Variants in SLC35F4 observed in about 807,000 individuals in gnomAD.
SLC35F4 encodes solute carrier family 35 member F4, also known as chromosome 14 open reading frame 36.
SLC35F4 carries 24 observed loss-of-function variants against 44.2 expected under a neutral mutation model. The ratio of observed to expected loss-of-function variants is 0.54; its 90% CI spans 0.39 to 0.76. The LOEUF (loss-of-function observed/expected upper bound fraction) is 0.76, where lower values mean the gene tolerates loss of function less well. Ranked by LOEUF, SLC35F4 falls within the 30% of genes least tolerant of loss-of-function variation. SLC35F4 has a pLI of 0.00. For missense variants in SLC35F4, 562 were observed against 586.1 expected (o/e 0.96, Z 0.42); for synonymous variants, 238 against 223.6 (o/e 1.06, Z -0.57).
At chr14:57,909,269 C>T (rs1468359440) in intron 1 of SLC35F4, among the ~76,000 whole-genome samples, 3 of 152,050 alleles carry the variant, frequency 2.0e-5, no homozygotes, top group African/African-American at 7.2e-5. Flanking sequence ...AATCAATGAA[C>T]CTATGTTGAC....
chr14:57,860,949 A>G (rs1280569273), intron 1 of SLC35F4, among the ~76,000 whole-genome samples: 3 of 152,236 alleles, frequency 2.0e-5, no homozygotes, highest in Non-Finnish European at 2.9e-5. Flanking sequence ...CCTATTTTTT[A>G]ATACCCATTG....
At chr14:57,723,716 C>T (rs978132494) in intron 1 of SLC35F4, among the ~76,000 whole-genome samples, 3 of 152,242 alleles carry the variant, frequency 2.0e-5, no homozygotes, top group African/African-American at 7.2e-5. Flanking sequence ...CTTTACTATC[C>T]TACCTCAGGG....
chr14:57,802,361 C>T (rs1475118193), intron 1 of SLC35F4, among the ~76,000 whole-genome samples: 1 of 151,854 alleles, frequency 6.6e-6, no homozygotes, highest in Admixed American at 6.6e-5. Flanking sequence ...CACCAAATGA[C>T]CATATCAAAA....
At chr14:57,688,457 G>A (rs1356397077) in intron 1 of SLC35F4, among the ~76,000 whole-genome samples, 2 of 152,130 alleles carry the variant, frequency 1.3e-5, no homozygotes, top group South Asian at 2.1e-4. Context: ...TACAGGGTAC[G>A]ATGGATTATT....
At chr14:57,787,717 C>T (rs930944168) in intron 1 of SLC35F4, among the ~76,000 whole-genome samples, 9 of 152,094 alleles carry the variant, frequency 5.9e-5, no homozygotes, top group African/African-American at 1.4e-4. Flanking sequence ...TGAGAGAATT[C>T]GCTATTACCA....
rs534817596 is a variant in SLC35F4 at position 57,671,528 on chromosome 14, C to T, written c.104-77404G>A. ...TGAAGGGAAGACCCAGTCCTGGCAGCATTTATTATCTGCTAACTGAAGAGC... is the reference window on the plus strand; with the variant it reads ...TGAAGGGAAGACCCAGTCCTGGCAGTATTTATTATCTGCTAACTGAAGAGC... On this transcript the variant is annotated intron_variant, in intron 1 of 7. Transcript: ENST00000556826. Among the ~76,000 whole-genome samples, 22 of 152,138 alleles carry T rather than the reference C, an allele frequency of 1.4e-4. 1 individual carries two copies. Among genetic ancestry groups the T allele is most frequent in the African/African-American group, 5.3e-4 (22 of 41,440 alleles).
intron 1 of SLC35F4, among the ~76,000 whole-genome samples, chr14:57,662,929 A>G (rs17093534): frequency 0.026 from 3,956 of 152,266 alleles, 163 homozygotes; most frequent in African/African-American, 0.089. Flanking sequence ...ACTCCCCTGG[A>G]CTATGGTTGA....
intron 1 of SLC35F4, among the ~76,000 whole-genome samples, chr14:57,677,404 TG>T (rs1308656227): frequency 8.0e-6 from 1 of 125,672 alleles, no homozygotes; most frequent in Non-Finnish European, 1.7e-5. Flanking sequence ...CCAAAACTAT[TG>T]AAAAAAAAAT....
intron 1 of SLC35F4, among the ~76,000 whole-genome samples, chr14:57,603,143 C>T (rs984273012): frequency 6.6e-6 from 1 of 152,124 alleles, no homozygotes; most frequent in Non-Finnish European, 1.5e-5. Context: ...ACTTATGAAA[C>T]ATTTTTAAAT....
intron 4 of SLC35F4, among the ~76,000 whole-genome samples, chr14:57,580,790 C>T (rs1279695973): frequency 2.0e-5 from 3 of 151,870 alleles, no homozygotes; most frequent in Non-Finnish European, 4.4e-5. Flanking sequence ...TCTACTTACA[C>T]CAATATTAAT....
chr14:57,568,097 G>C (rs767203513), intron 6 of SLC35F4, among the ~76,000 whole-genome samples: 3 of 152,182 alleles, frequency 2.0e-5, no homozygotes, highest in African/African-American at 7.2e-5. Flanking sequence ...CTGGAGGGAG[G>C]CTATCTCCTC....
At chr14:57,751,057 A>G (rs12896041) in intron 1 of SLC35F4, among the ~76,000 whole-genome samples, 18,305 of 152,248 alleles carry the variant, frequency 0.12, 1,334 homozygotes, top group South Asian at 0.19. Context: ...GCTACAATAG[A>G]CTGAAAACCA....
intron 1 of SLC35F4, among the ~76,000 whole-genome samples, chr14:57,713,784 T>A (rs576602792): frequency 1.3e-3 from 203 of 152,270 alleles, no homozygotes; most frequent in African/African-American, 3.7e-3. Flanking sequence ...CTCAATTTTT[T>A]AAAAAATCAA....
chr14:57,637,691 C>T (rs1265942431), intron 1 of SLC35F4, among the ~76,000 whole-genome samples: 2 of 152,094 alleles, frequency 1.3e-5, no homozygotes, highest in East Asian at 1.9e-4. Context: ...TTCTAAATTA[C>T]TGTTTTAATA....
intron 1 of SLC35F4, among the ~76,000 whole-genome samples, chr14:57,750,488 T>G (rs1008622280): frequency 3.9e-5 from 6 of 152,226 alleles, no homozygotes; most frequent in Admixed American, 3.9e-4. Flanking sequence ...CTAATTTACA[T>G]TCCCACCAAC....
chr14:57,597,057 A>G (rs1192244659), intron 1 of SLC35F4, among the ~76,000 whole-genome samples: 1 of 152,240 alleles, frequency 6.6e-6, no homozygotes, highest in Admixed American at 6.5e-5. Context: ...TAGTTAATCT[A>G]AAGGCAACCC....
intron 1 of SLC35F4, among the ~76,000 whole-genome samples, chr14:57,937,640 G>C (rs958697437): frequency 9.5e-6 from 1 of 105,048 alleles, no homozygotes; most frequent in African/African-American, 4.2e-5. Flanking sequence ...GAAAAGAAAA[G>C]AAAAGAAAAG....
At chr14:57,627,667 C>G (rs1405512014) in intron 1 of SLC35F4, among the ~76,000 whole-genome samples, 1 of 152,062 alleles carries the variant, frequency 6.6e-6, no homozygotes, top group African/African-American at 2.4e-5. Context: ...ACTACTCATT[C>G]TTGAATACAA....
intron 1 of SLC35F4, among the ~76,000 whole-genome samples, chr14:57,893,424 G>A (rs1432821434): frequency 6.6e-6 from 1 of 152,006 alleles, no homozygotes; most frequent in Non-Finnish European, 1.5e-5. Flanking sequence ...AAGGTTTAGA[G>A]AGGCTAAGAA....
Sources: gnomAD v4.1 joint callset for allele counts (sites outside exome capture counted in the v4.1 genomes callset) on GRCh38, gnomAD v4.1.1 for gene constraint, MANE v1.5 for transcripts, NCBI Gene and HGNC (gene_info 2026-07-23, HGNC 2026-07-21) for gene names.